The following DAB1 variants were observed in gnomAD, a reference collection of about 807,000 sequenced individuals.
The protein encoded by DAB1 is disabled homolog 1.
In DAB1, 15 loss-of-function variants were observed where a neutral mutation model predicts 64.6. The observed-to-expected ratio is 0.23, with a 90% CI of 0.16 to 0.36. The LOEUF (loss-of-function observed/expected upper bound fraction) is 0.36, where lower values mean the gene tolerates loss of function less well. Ranked by LOEUF, DAB1 falls within the 10% of genes least tolerant of loss-of-function variation. DAB1 has a pLI of 1.00. For synonymous variants in DAB1, 235 were observed against 251.9 expected, an observed-to-expected ratio of 0.93 and a Z score of 0.64; for missense variants, 596 against 706.7, an observed-to-expected ratio of 0.84 and a Z score of 1.78.
intron 6 of DAB1, among the ~76,000 whole-genome samples, chr1:57,740,905 G>A (rs1199995861): frequency 8.5e-5 from 13 of 152,226 alleles, no homozygotes; most frequent in Non-Finnish European, 1.5e-5. Context: ...ACGACGTATT[G>A]GGCAGAAAGG....
At chr1:58,006,091 G>T (rs1013467015) in intron 5 of DAB1, among the ~76,000 whole-genome samples, 1 of 152,120 alleles carries the variant, frequency 6.6e-6, no homozygotes, top group Admixed American at 6.6e-5. Flanking sequence ...ACTTCTCTGG[G>T]AGTCCCACGA....
At position 57,509,463 on chromosome 1, in the gene DAB1, G is replaced by T. The variant is rs143336244; in HGVS notation, n.625+140129C>A. 3.3e-4 allele frequency among the ~76,000 whole-genome samples: 50 copies of T among 151,518 alleles called. No homozygotes were observed. The East Asian group carries it at 8.9e-3, about 27-fold the overall frequency. The stretch of plus-strand genomic sequence containing the variant: ...TATTTTAGTCCCAACTCCACTCACT[G>T]CTTCCTCAGCAAGCTAACTTCCCCA... On this transcript the variant is annotated intron_variant and non_coding_transcript_variant, in intron 7 of 20. Coordinates refer to the DAB1 transcript ENST00000485760.
At chr1:57,053,007 G>T (rs1400444279) in intron 9 of DAB1, among the ~76,000 whole-genome samples, 1 of 152,162 alleles carries the variant, frequency 6.6e-6, no homozygotes, top group Non-Finnish European at 1.5e-5. Flanking sequence ...CTTCCTCAGG[G>T]TTTTATAAAA....
chr1:57,428,477 G>A (rs375836226), upstream of DAB1, among the ~76,000 whole-genome samples: 15 of 152,200 alleles, frequency 9.9e-5, no homozygotes, highest in African/African-American at 2.9e-4. Flanking sequence ...TCATGATGTC[G>A]CCAATGGTAG....
At position 57,659,792 on chromosome 1, in the gene DAB1, C is replaced by T. The variant is rs866729896; in HGVS notation, n.552-10127G>A. ...AGGAGTTCAAGACCAGCCTGACCAA[C>T]ATGGTGAAACCCCATCTCTACTAAA... is the stretch of plus-strand genomic sequence containing the variant. On this transcript the variant is annotated intron_variant and non_coding_transcript_variant, in intron 6 of 20. Coordinates refer to the DAB1 transcript ENST00000485760. 2.6e-5 allele frequency among the ~76,000 whole-genome samples: 4 copies of T among 151,974 alleles called. No homozygotes were observed. The South Asian group carries it at 6.2e-4, about 24-fold the overall frequency.
chr1:58,134,787 G>C (rs1338219773), intron 5 of DAB1, among the ~76,000 whole-genome samples: 1 of 152,122 alleles, frequency 6.6e-6, no homozygotes, highest in Admixed American at 6.6e-5. Context: ...CTCCCAGCAG[G>C]CCCCACCTCC....
At chr1:57,361,274 A>G (rs949942149) in intron 1 of DAB1, among the ~76,000 whole-genome samples, 1 of 152,176 alleles carries the variant, frequency 6.6e-6, no homozygotes, top group Admixed American at 6.6e-5. Flanking sequence ...TCCCAAGAAG[A>G]CAGTCTATGT....
chr1:57,843,380 G>C (rs190340452), intron 1 of DAB1, among the ~76,000 whole-genome samples: 119 of 152,232 alleles, frequency 7.8e-4, no homozygotes, highest in African/African-American at 2.8e-3. Flanking sequence ...TTATCTAGTT[G>C]GGTGATTCTG....
At chr1:57,996,933 T>C (rs1646434312) in intron 5 of DAB1, among the ~76,000 whole-genome samples, 1 of 152,104 alleles carries the variant, frequency 6.6e-6, no homozygotes, top group Admixed American at 6.6e-5. Flanking sequence ...AGTAGGTAGT[T>C]AGGCATGAGC....
chr1:57,713,625 T>C (rs1647051208), intron 6 of DAB1, among the ~76,000 whole-genome samples: 1 of 152,182 alleles, frequency 6.6e-6, no homozygotes, highest in African/African-American at 2.4e-5. Flanking sequence ...GGTGGCTGCA[T>C]GTGATGAATA....
intron 3 of DAB1, among the ~76,000 whole-genome samples, chr1:58,380,667 T>A (rs2100546819): frequency 1.3e-5 from 2 of 152,250 alleles, no homozygotes; most frequent in Admixed American, 1.3e-4. Context: ...CTAATTAGCA[T>A]GAAGGAGAGT....
At chr1:57,717,460 A>G (rs529861158) in intron 6 of DAB1, among the ~76,000 whole-genome samples, 1 of 152,200 alleles carries the variant, frequency 6.6e-6, no homozygotes. Flanking sequence ...ACTTTTAGGT[A>G]CTGTTGGTGG....
At chr1:57,624,788 T>C (rs1645902832) in intron 7 of DAB1, among the ~76,000 whole-genome samples, 1 of 152,192 alleles carries the variant, frequency 6.6e-6, no homozygotes, top group Admixed American at 6.5e-5. Flanking sequence ...CTAAGACTTA[T>C]TTGGGAGTTT....
chr1:57,951,291 A>C (rs1645270513), intron 5 of DAB1, among the ~76,000 whole-genome samples: 1 of 99,260 alleles, frequency 1.0e-5, no homozygotes, highest in African/African-American at 3.7e-5. Context: ...CTTTCTTAAA[A>C]CAGATCCGGG....
chr1:57,853,935 C>T (rs192509196), intron 1 of DAB1, among the ~76,000 whole-genome samples: 28 of 152,270 alleles, frequency 1.8e-4, no homozygotes, highest in Admixed American at 1.2e-3. Context: ...ACCAGAGCAG[C>T]TCTGTTTTTG....
chr1:57,623,685 C>T (rs1040935189), intron 7 of DAB1, among the ~76,000 whole-genome samples: 9 of 152,072 alleles, frequency 5.9e-5, no homozygotes, highest in East Asian at 3.9e-4. Flanking sequence ...CTTCTGTGGC[C>T]GGTCTGCAAA....
At chr1:58,167,054 T>TA (rs35985910) in intron 4 of DAB1, among the ~76,000 whole-genome samples, 61 of 146,404 alleles carry the variant, frequency 4.2e-4, no homozygotes, top group Middle Eastern at 3.5e-3. Flanking sequence ...AGCCAACTAT[T>TA]AAAAAAAAAA....
At chr1:58,069,603 G>C (rs542320239) in intron 5 of DAB1, among the ~76,000 whole-genome samples, 1 of 152,258 alleles carries the variant, frequency 6.6e-6, no homozygotes, top group South Asian at 2.1e-4. Context: ...AGACAGAGGA[G>C]TCTGCTCTGT....
At chr1:57,283,274 C>T (rs1325779988) in intron 2 of DAB1, among the ~76,000 whole-genome samples, 1 of 152,052 alleles carries the variant, frequency 6.6e-6, no homozygotes, top group African/African-American at 2.4e-5. Context: ...TTATTCATTC[C>T]CTCAGTTATT....
Sources: gnomAD v4.1 joint callset for allele counts (sites outside exome capture counted in the v4.1 genomes callset) on GRCh38, gnomAD v4.1.1 for gene constraint, MANE v1.5 for transcripts, NCBI Gene and HGNC (gene_info 2026-07-23, HGNC 2026-07-21) for gene names.